The following TJP1 variants were observed in gnomAD, a reference collection of about 807,000 sequenced individuals.
The protein encoded by TJP1 is tight junction protein 1.
A neutral mutation model predicts 194.2 loss-of-function variants in TJP1; 43 were observed. That is an observed-to-expected ratio of 0.22 (90% CI 0.17 to 0.29). The LOEUF is 0.29. TJP1 is among the 10% of genes least tolerant of loss of function. The pLI is 1.00. For synonymous variants in TJP1, 801 were observed against 779.0 expected (o/e 1.03, Z -0.47); for missense variants, 1,971 against 2,185.7 (o/e 0.90, Z 1.96).
upstream of TJP1, chr15:29,822,574 A>C (rs1003036364): frequency 5.4e-5 from 20 of 372,106 alleles, no homozygotes; most frequent in South Asian, 1.1e-4. Flanking sequence ...GCGGCGGGGG[A>C]GGGGGCGGGA....
intron 20 of TJP1, 76 bp downstream of exon 20, chr15:29,719,700 TA>T: frequency 6.5e-7 from 1 of 1,550,046 alleles, no homozygotes; most frequent in Non-Finnish European, 8.7e-7. Flanking sequence ...AAGGAACACT[TA>T]AAGGGCAAAG....
In TJP1 at chr15:29,956,202, A is replaced by G. The variant is rs905889409; in HGVS notation, c.306+30T>C. ...TAAAAACTTTCATACTCTTTGGAAAAATGAGAAAAGCATTGATCAGTCCAC... is the reference window on the plus strand; with the variant it reads ...TAAAAACTTTCATACTCTTTGGAAAGATGAGAAAAGCATTGATCAGTCCAC... On this transcript the variant is annotated intron_variant, in intron 2 of 28. Coordinates refer to the TJP1 transcript ENST00000356107. 3 of 1,176,606 alleles carry G rather than the reference A, an allele frequency of 2.5e-6. No homozygotes were observed. In the African/African-American group the frequency reaches 4.8e-5, roughly 19 times the overall value. The allele number at this position is 1,176,606 out of a possible 1,614,324, so 72.9% of individuals were successfully genotyped here.
In TJP1 at chr15:29,891,195, G is replaced by T. The variant is rs76901666; in HGVS notation, c.306+65037C>A. 4.9e-3 allele frequency among the ~76,000 whole-genome samples: 745 copies of T among 152,338 alleles called. 7 individuals are homozygous for T. Among genetic ancestry groups the T allele is most frequent in the African/African-American group, 0.017 (705 of 41,574 alleles). On this transcript the variant is annotated intron_variant, in intron 2 of 28. Coordinates refer to the TJP1 transcript ENST00000356107. The stretch of plus-strand genomic sequence containing the variant: ...TGTGAGGTGGCCTTCCAGATTGACG[G>T]TGAGGACTAAATGTCAACAGGTAGT...
At chr15:29,704,125 C>G (rs1464441435) in intron 27 of TJP1, 37 bp downstream of exon 27, 19 of 1,541,404 alleles carry the variant, frequency 1.2e-5, no homozygotes, top group Non-Finnish European at 1.7e-5. Context: ...AACGACAGTC[C>G]CCAAAGCTCC....
chr15:29,834,844 C>T (rs2050971933), intron 2 of TJP1, among the ~76,000 whole-genome samples: 1 of 152,130 alleles, frequency 6.6e-6, no homozygotes, highest in South Asian at 2.1e-4. Context: ...CTGTTTTGTC[C>T]TGTTTTGTCT....
chr15:29,860,523 A>G (rs973707344), intron 2 of TJP1, among the ~76,000 whole-genome samples: 1 of 152,192 alleles, frequency 6.6e-6, no homozygotes, highest in Non-Finnish European at 1.5e-5. Flanking sequence ...GAATGATACA[A>G]TATGTGGCCT....
At chr15:29,888,556 C>T (rs984411547) in intron 2 of TJP1, among the ~76,000 whole-genome samples, 3 of 152,144 alleles carry the variant, frequency 2.0e-5, no homozygotes, top group Non-Finnish European at 2.9e-5. Flanking sequence ...ATGAATTAAA[C>T]GTATATTAAA....
chr15:29,705,925 CTTTT>C (rs1284151733), intron 25 of TJP1, among the ~76,000 whole-genome samples, 180 bp from the exon 26 acceptor site: 1 of 152,260 alleles, frequency 6.6e-6, no homozygotes, highest in East Asian at 1.9e-4. Flanking sequence ...AATATTATTT[CTTTT>C]TTGTTTGTTT....
intron 2 of TJP1, among the ~76,000 whole-genome samples, chr15:29,885,708 T>G (rs2053094156): frequency 6.6e-6 from 1 of 152,170 alleles, no homozygotes; most frequent in Admixed American, 6.5e-5. Flanking sequence ...TCTAAGAACA[T>G]CTGAAAAATA....
chr15:29,772,032 C>T, intron 4 of TJP1, 32 bp downstream of exon 4: 1 of 1,370,442 alleles, frequency 7.3e-7, no homozygotes, highest in East Asian at 2.4e-5. Flanking sequence ...AGTTGGGGTA[C>T]CTTTACTAAA....
chr15:29,967,331 C>T (rs1018118400), intron 1 of TJP1, among the ~76,000 whole-genome samples: 2 of 151,576 alleles, frequency 1.3e-5, no homozygotes, highest in South Asian at 2.1e-4. Flanking sequence ...CCACTATACC[C>T]GGCACATTAA....
At chr15:29,743,898 C>T (rs1168657394) in intron 8 of TJP1, among the ~76,000 whole-genome samples, 1 of 152,112 alleles carries the variant, frequency 6.6e-6, no homozygotes, top group East Asian at 1.9e-4. Context: ...ACTGTATTAT[C>T]GGCCGGGCAC....
At position 29,720,627 on chromosome 15, in the gene TJP1, T is replaced by C. The variant is rs760341739; in HGVS notation, c.2494A>G (p.Met832Val). The C allele has an allele frequency of 2.0e-5, 33 of 1,614,150 alleles. No individual in the cohort carries two copies. The highest frequency in any genetic ancestry group is 2.7e-5 in the Non-Finnish European group (32 of 1,180,014). ...GTGTGTCTACTGTCCGTGCTATACA[T>C]TGAGTATTCACTACCTGGAGCTGAC... ...YLSAPGSEYS[M>V]YSTDSRHTSD... Residue 832 changes from methionine (M) to valine (V), a missense_variant, in exon 19 of 28, where the codon ATG (methionine) becomes GTG (valine). By Grantham distance (21) the Met-to-Val change is conservative. Transcript: ENST00000614355.
intron 2 of TJP1, among the ~76,000 whole-genome samples, chr15:29,867,298 G>GA (rs2052342035): frequency 6.6e-6 from 1 of 152,036 alleles, no homozygotes; most frequent in South Asian, 2.1e-4. Flanking sequence ...GAAATCAACT[G>GA]AAAAAAATGA....
rs2043643794 is a variant in TJP1 at position 29,731,307 on chromosome 15, A to G, written c.2017+1126T>C. Among the ~76,000 whole-genome samples the G allele has an allele frequency of 2.6e-5, 4 of 152,142 alleles. No individual in the cohort carries two copies. In the South Asian group the frequency reaches 8.3e-4, roughly 32 times the overall value. ...TGGCACAAAAGCCTTGTGCTATGGA[A>G]AAACAAATTTGTTTTTATGTCCTCT... On this transcript the variant is annotated intron_variant, in intron 15 of 27. Coordinates refer to ENST00000614355, the MANE Select transcript of TJP1 (RefSeq NM_001330239.4).
At chr15:29,968,299 A>G (rs956170808) in intron 1 of TJP1, 16 of 985,076 alleles carry the variant, frequency 1.6e-5, no homozygotes, top group Non-Finnish European at 1.8e-5. Context: ...TCTCCGCGAG[A>G]GCCTGGCTGG....
chr15:29,898,684 C>T (rs1317839951), intron 2 of TJP1, among the ~76,000 whole-genome samples: 1 of 152,166 alleles, frequency 6.6e-6, no homozygotes, highest in Non-Finnish European at 1.5e-5. Context: ...ACATGATGTT[C>T]AAAGGATGTT....
At chr15:29,853,185 G>C (rs991985622) in intron 2 of TJP1, among the ~76,000 whole-genome samples, 1 of 152,134 alleles carries the variant, frequency 6.6e-6, no homozygotes, top group African/African-American at 2.4e-5. Flanking sequence ...TCCATTTATA[G>C]AACATTTTAA....
chr15:29,857,766 G>A (rs1277297806), intron 2 of TJP1, among the ~76,000 whole-genome samples: 2 of 152,072 alleles, frequency 1.3e-5, no homozygotes, highest in Admixed American at 1.3e-4. Flanking sequence ...TATTTAAAAT[G>A]ACTCCATTTT....
Sources: gnomAD v4.1 joint callset for allele counts (sites outside exome capture counted in the v4.1 genomes callset) on GRCh38, gnomAD v4.1.1 for gene constraint, MANE v1.5 for transcripts, NCBI Gene and HGNC (gene_info 2026-07-23, HGNC 2026-07-21) for gene names.